Variants in SEMA6A observed in about 807,000 individuals in gnomAD.
SEMA6A encodes semaphorin-6A.
A neutral mutation model predicts 96.8 loss-of-function variants in SEMA6A; 25 were observed. That is an observed-to-expected ratio of 0.26 (90% CI 0.19 to 0.36). The LOEUF is 0.36. SEMA6A is among the 10% of genes least tolerant of loss of function. SEMA6A has a pLI of 1.00. For missense variants in SEMA6A, 1,363 were observed against 1,323.1 expected, an observed-to-expected ratio of 1.03 and a Z score of -0.47; for synonymous variants, 612 against 518.0, an observed-to-expected ratio of 1.18 and a Z score of -2.46.
At chr5:116,456,233 G>C (rs1755005225) in intron 18 of SEMA6A, among the ~76,000 whole-genome samples, 1 of 152,198 alleles carries the variant, frequency 6.6e-6, no homozygotes, top group African/African-American at 2.4e-5. Context: ...GAACTAATTA[G>C]AGACAGAAAT....
At chr5:116,505,145 C>T (rs1003743614) in intron 1 of SEMA6A, among the ~76,000 whole-genome samples, 163 bp from the exon 2 acceptor site, 1 of 152,092 alleles carries the variant, frequency 6.6e-6, no homozygotes, top group Non-Finnish European at 1.5e-5. Flanking sequence ...TACCCGTTAC[C>T]TACTGCTACC....
In SEMA6A at chr5:116,444,901, A is replaced by C. The variant is rs1754092378; in HGVS notation, c.*1712T>G. 2 of 152,714 alleles carry C rather than the reference A, an allele frequency of 1.3e-5. No homozygotes were observed. The highest frequency in any genetic ancestry group is 2.4e-5 in the African/African-American group (1 of 41,472). The allele number at this position is 152,714 out of a possible 1,614,324, so 9.5% of individuals were successfully genotyped here. A position where few individuals can be genotyped will look rare whatever the true frequency, so the allele number is the denominator to read the frequency against. On this transcript the variant is annotated 3_prime_UTR_variant, in exon 19 of 19. Coordinates refer to ENST00000343348, the MANE Select transcript of SEMA6A (RefSeq NM_020796.5). ...GCTCTCTAGCCAGTGGACGCAGCAG[A>C]AAAGAGGAATGGGACGTTAGTCCCT...
intron 18 of SEMA6A, among the ~76,000 whole-genome samples, chr5:116,448,219 G>T (rs1026158530): frequency 5.9e-5 from 9 of 151,408 alleles, no homozygotes; most frequent in Admixed American, 5.9e-4. Context: ...GGTGGCGGGG[G>T]CTTGTGATCC....
rs770961199 is a variant in SEMA6A, at chr5:116,488,961, G to A, written c.582C>T (p.Asp194=). 1.2e-5 allele frequency: 19 copies of A among 1,585,732 alleles called. No individual in the cohort carries two copies. The highest frequency in any genetic ancestry group is 1.0e-4 in the South Asian group (9 of 86,572). ...CTCCAAGACTCCGGTAAATGACTGC[G>A]TCAATGGCAAGGAAGTCAGTCACTG... ...SATVTDFLAI[D]AVIYRSLGES... Residue 194 remains aspartate (D), a synonymous_variant, in exon 8 of 19, where the codon GAC becomes GAT. Transcript: ENST00000343348.
intron 2 of SEMA6A, among the ~76,000 whole-genome samples, chr5:116,503,414 TCATCAAG>T (rs1330948545): frequency 6.6e-6 from 1 of 152,166 alleles, no homozygotes; most frequent in Non-Finnish European, 1.5e-5. Context: ...ATGTACCCAT[TCATCAAG>T]GAGATTGCTA....
chr5:116,532,329 G>A (rs932120908), intron 1 of SEMA6A, among the ~76,000 whole-genome samples: 3 of 152,270 alleles, frequency 2.0e-5, no homozygotes, highest in South Asian at 4.1e-4. Flanking sequence ...GGGTCAGGCG[G>A]CCAACAAAGG....
intron 7 of SEMA6A, among the ~76,000 whole-genome samples, chr5:116,489,555 C>T (rs1013971947): frequency 3.3e-5 from 5 of 152,204 alleles, no homozygotes; most frequent in African/African-American, 1.2e-4. Context: ...CTCCTCTTGA[C>T]CTCAGGCTTG....
At chr5:116,456,561 C>T (rs1755022994) in intron 18 of SEMA6A, among the ~76,000 whole-genome samples, 1 of 152,162 alleles carries the variant, frequency 6.6e-6, no homozygotes, top group South Asian at 2.1e-4. Flanking sequence ...AAAGAATCAA[C>T]CCAATTTGCT....
chr5:116,521,712 A>T (rs186852372), intron 1 of SEMA6A, among the ~76,000 whole-genome samples: 27 of 152,344 alleles, frequency 1.8e-4, no homozygotes, highest in African/African-American at 6.5e-4. Context: ...CCACCTACCC[A>T]GATGTCTCGG....
At chr5:116,492,430 A>G (rs1306505128) in intron 6 of SEMA6A, 1 of 152,268 alleles carries the variant, frequency 6.6e-6, no homozygotes, top group African/African-American at 2.4e-5. Flanking sequence ...CTTTCCAAGA[A>G]GTGAAAACTA....
chr5:116,544,455 G>A (rs1215160622), intron 1 of SEMA6A, among the ~76,000 whole-genome samples: 1 of 151,226 alleles, frequency 6.6e-6, no homozygotes, highest in Non-Finnish European at 1.5e-5. Flanking sequence ...CATGCCCAGC[G>A]AAATTTTTGA....
rs538670159 is a variant in SEMA6A at position 116,484,260 on chromosome 5, C to G, written c.963-1685G>C. ...ATTTGAAGTATTTTCTGATGCACCT[C>G]GTAATAACTAAAGATATCCTAGGGT... On this transcript the variant is annotated intron_variant, in intron 10 of 18. Coordinates refer to ENST00000343348, the MANE Select transcript of SEMA6A (RefSeq NM_020796.5). Among the ~76,000 whole-genome samples the G allele has an allele frequency of 1.2e-3, 178 of 152,192 alleles. 1 individual carries two copies. The highest frequency in any genetic ancestry group is 2.3e-3 in the Non-Finnish European group (156 of 68,008).
At chr5:116,482,689 C>T (rs1032764281) in intron 10 of SEMA6A, 114 bp from the exon 11 acceptor site, 19 of 989,200 alleles carry the variant, frequency 1.9e-5, no homozygotes, top group Non-Finnish European at 2.6e-5. Context: ...AAGTTCATAC[C>T]TTGGACACTA....
In SEMA6A at chr5:116,497,339, A is replaced by C; in HGVS notation, c.267T>G (p.Ile89Met). Residue 89 changes from isoleucine to methionine, a missense_variant, in exon 4 of 19, where the codon ATT (isoleucine) becomes ATG (methionine). Transcript: ENST00000343348. ...VDIDTSHTEE[I>M]YCSKKLTWKS... Reference sequence around the variant, plus strand: ...TAAAACAACTTACTTTGCTACAATAAATTTCTTCCGTGTGTGATGTGTCTA... The same window carrying C: ...TAAAACAACTTACTTTGCTACAATACATTTCTTCCGTGTGTGATGTGTCTA... 6.3e-7 allele frequency: 1 copy of C among 1,596,302 alleles called. No individual in the cohort carries two copies. Among genetic ancestry groups the C allele is most frequent in the Non-Finnish European group, 8.6e-7 (1 of 1,164,924 alleles).
At position 116,445,283 on chromosome 5, in the gene SEMA6A, T is replaced by C. The variant is rs922491923; in HGVS notation, c.*1330A>G. The C allele has an allele frequency of 2.6e-5, 4 of 152,638 alleles. No individual in the cohort carries two copies. The South Asian group carries it at 8.3e-4, about 32-fold the overall frequency. The allele number at this position is 152,638 out of a possible 1,614,324, so 9.5% of individuals were successfully genotyped here. A position where few individuals can be genotyped will look rare whatever the true frequency, so the allele number is the denominator to read the frequency against. On this transcript the variant is annotated 3_prime_UTR_variant, in exon 19 of 19. Coordinates refer to ENST00000343348, the MANE Select transcript of SEMA6A (RefSeq NM_020796.5). ...CAGTTGATCATAAAGAGTTTACAAG[T>C]GTACACAACTCAAGGTGTAAGGCAC...
chr5:116,461,204 G>C (rs1755373627), intron 18 of SEMA6A, among the ~76,000 whole-genome samples: 1 of 152,014 alleles, frequency 6.6e-6, no homozygotes, highest in African/African-American at 2.4e-5. Flanking sequence ...ATTCAAAAGA[G>C]TTTTTGGAAC....
At chr5:116,485,557 G>A (rs1472624461) in intron 10 of SEMA6A, among the ~76,000 whole-genome samples, 1 of 152,144 alleles carries the variant, frequency 6.6e-6, no homozygotes, top group Admixed American at 6.5e-5. Flanking sequence ...TGGGGAGCTT[G>A]ACTCTCATCC....
chr5:116,568,661 A>G (rs929587362), intron 1 of SEMA6A, among the ~76,000 whole-genome samples: 2 of 152,216 alleles, frequency 1.3e-5, no homozygotes, highest in Non-Finnish European at 2.9e-5. Flanking sequence ...TCCAGCTACA[A>G]CCAGGTGTCT....
At chr5:116,553,700 T>G (rs1271372685) in intron 1 of SEMA6A, among the ~76,000 whole-genome samples, 3 of 152,094 alleles carry the variant, frequency 2.0e-5, no homozygotes, top group South Asian at 2.1e-4. Flanking sequence ...CAGCCTTTCA[T>G]TCAAAGGAGC....
Sources: allele counts gnomAD v4.1 joint callset (sites outside exome capture counted in the v4.1 genomes callset), GRCh38; gene constraint gnomAD v4.1.1; transcripts MANE v1.5; gene names NCBI Gene and HGNC (gene_info 2026-07-23, HGNC 2026-07-21).